The following GNA14 variants were observed in gnomAD, a reference collection of about 807,000 sequenced individuals.
GNA14 encodes G protein subunit alpha 14.
In GNA14, 50 loss-of-function variants were observed where a neutral mutation model predicts 42.0. The observed-to-expected ratio is 1.19, with a 90% CI of 0.95 to 1.51. The LOEUF (loss-of-function observed/expected upper bound fraction) is 1.51. Among genes scored for constraint, GNA14 ranks in the 40% most tolerant of loss-of-function variants. The pLI is 0.00. For missense variants in GNA14, 473 were observed against 446.2 expected (o/e 1.06, Z -0.54); for synonymous variants, 173 against 163.1 (o/e 1.06, Z -0.46).
intron 2 of GNA14, among the ~76,000 whole-genome samples, chr9:77,447,353 G>A (rs1212896294): frequency 6.6e-6 from 1 of 152,102 alleles, no homozygotes; most frequent in Non-Finnish European, 1.5e-5. Flanking sequence ...CCAAACTACA[G>A]TACTGCTTCT....
chr9:77,585,000 G>A (rs1245117699), intron 1 of GNA14, among the ~76,000 whole-genome samples: 1 of 152,132 alleles, frequency 6.6e-6, no homozygotes, highest in Non-Finnish European at 1.5e-5. Flanking sequence ...TGTTTTATCA[G>A]CAAGGTCTTT....
chr9:77,427,324 TA>T (rs10710907), intron 5 of GNA14, among the ~76,000 whole-genome samples: 61,025 of 146,840 alleles, frequency 0.42, 12,599 homozygotes, highest in African/African-American at 0.48. Flanking sequence ...GTCTTGCCTT[TA>T]AAAAAAAAAA....
intron 2 of GNA14, among the ~76,000 whole-genome samples, chr9:77,452,568 GTGTATGTGCA>G (rs1835923427): frequency 6.8e-5 from 1 of 14,772 alleles, no homozygotes; most frequent in African/African-American, 1.8e-4. Flanking sequence ...GTGTGTGTGT[GTGTATGTGCA>G]TGTGTATGTG....
chr9:77,611,719 C>T (rs898925464), intron 1 of GNA14, among the ~76,000 whole-genome samples: 3 of 152,150 alleles, frequency 2.0e-5, no homozygotes, highest in African/African-American at 7.2e-5. Flanking sequence ...AAAGCCAAGG[C>T]AATGAAAATA....
chr9:77,570,425 C>T (rs1403534134), intron 1 of GNA14, among the ~76,000 whole-genome samples: 4 of 152,178 alleles, frequency 2.6e-5, no homozygotes, highest in African/African-American at 9.7e-5. Context: ...CCAGGCAACA[C>T]TAATCTACTT....
chr9:77,551,633 C>T lies in GNA14; in HGVS notation c.125-22380G>A, dbSNP rs539124692. Among the ~76,000 whole-genome samples the T allele has an allele frequency of 7.2e-5, 11 of 151,804 alleles. 1 individual carries two copies. In the South Asian group the frequency reaches 2.3e-3, roughly 32 times the overall value. ...GCTCCTAAAGTCTGGTCAATTCCAG[C>T]CCCTAGGAAGAAATATAGTGAAAAA... On this transcript the variant is annotated intron_variant, in intron 1 of 6. Coordinates refer to ENST00000341700, the MANE Select transcript of GNA14 (RefSeq NM_004297.4).
intron 3 of GNA14, among the ~76,000 whole-genome samples, chr9:77,434,149 G>A (rs1835603081): frequency 6.6e-6 from 1 of 152,194 alleles, no homozygotes; most frequent in Non-Finnish European, 1.5e-5. Context: ...GCAGGCGGGT[G>A]TCGGCAGGAA....
At chr9:77,546,891 C>G (rs1317072568) in intron 1 of GNA14, among the ~76,000 whole-genome samples, 1 of 152,066 alleles carries the variant, frequency 6.6e-6, no homozygotes, top group South Asian at 2.1e-4. Context: ...TCTGGTTGCC[C>G]AGGGCAGCCT....
intron 1 of GNA14, among the ~76,000 whole-genome samples, chr9:77,618,374 T>C (rs1441804340): frequency 2.6e-5 from 4 of 151,708 alleles, no homozygotes; most frequent in African/African-American, 9.7e-5. Context: ...GATAGATTTC[T>C]AGAATTTCAG....
At chr9:77,483,492 C>A (rs1836600524) in intron 2 of GNA14, among the ~76,000 whole-genome samples, 1 of 152,158 alleles carries the variant, frequency 6.6e-6, no homozygotes, top group Non-Finnish European at 1.5e-5. Flanking sequence ...ATAGGGGGTG[C>A]CTCCCAGTTA....
chr9:77,546,447 G>A (rs530251842), intron 1 of GNA14, among the ~76,000 whole-genome samples: 8 of 152,036 alleles, frequency 5.3e-5, no homozygotes, highest in Admixed American at 5.2e-4. Flanking sequence ...ATCTCTCTCT[G>A]AAAGAGAAAA....
At chr9:77,627,034 A>G (rs1824022693) in intron 1 of GNA14, among the ~76,000 whole-genome samples, 1 of 152,226 alleles carries the variant, frequency 6.6e-6, no homozygotes, top group African/African-American at 2.4e-5. Context: ...TAGACACACA[A>G]AAATGATAAA....
intron 1 of GNA14, among the ~76,000 whole-genome samples, chr9:77,557,763 A>G (rs1822812089): frequency 6.6e-6 from 1 of 152,206 alleles, no homozygotes; most frequent in South Asian, 2.1e-4. Context: ...ATTCATGACT[A>G]GACAATCCCT....
intron 1 of GNA14, among the ~76,000 whole-genome samples, chr9:77,583,161 C>T (rs375491369): frequency 2.0e-5 from 3 of 152,152 alleles, no homozygotes; most frequent in African/African-American, 7.2e-5. Flanking sequence ...TAATTCTCCC[C>T]CAACAAATGA....
At chr9:77,505,989 G>A (rs776551896) in intron 2 of GNA14, among the ~76,000 whole-genome samples, 1 of 152,076 alleles carries the variant, frequency 6.6e-6, no homozygotes, top group Non-Finnish European at 1.5e-5. Flanking sequence ...GCTGGGTATG[G>A]TGGCTCATGC....
rs117089684 is a variant in GNA14, at chr9:77,454,513, A to G, written c.310-19991T>C. ...GAACCTTGAGGGGAGTTATCTGATA[A>G]TAGTGGGGACGGGGAAAAGGAACAG... On this transcript the variant is annotated intron_variant, in intron 2 of 6. Coordinates refer to ENST00000341700, the MANE Select transcript of GNA14 (RefSeq NM_004297.4). 2.3e-4 allele frequency among the ~76,000 whole-genome samples: 35 copies of G among 151,958 alleles called. 1 individual carries two copies. In the East Asian group the frequency reaches 6.6e-3, roughly 29 times the overall value.
chr9:77,451,493 G>T (rs953464859), intron 2 of GNA14, among the ~76,000 whole-genome samples: 1 of 152,166 alleles, frequency 6.6e-6, no homozygotes, highest in Non-Finnish European at 1.5e-5. Flanking sequence ...GGGATCCAGG[G>T]TGAGGCTATT....
chr9:77,576,992 T>G (rs1005471666), intron 1 of GNA14, among the ~76,000 whole-genome samples: 1 of 152,192 alleles, frequency 6.6e-6, no homozygotes, highest in African/African-American at 2.4e-5. Flanking sequence ...TCTAGCATTT[T>G]CCATGAGGTA....
At chr9:77,642,803 A>G (rs112585335) in intron 1 of GNA14, among the ~76,000 whole-genome samples, 1 of 152,020 alleles carries the variant, frequency 6.6e-6, no homozygotes, top group Admixed American at 6.6e-5. Context: ...ATCAAACACA[A>G]AACTCAATGA....
Sources: allele counts gnomAD v4.1 joint callset (sites outside exome capture counted in the v4.1 genomes callset), GRCh38; gene constraint gnomAD v4.1.1; transcripts MANE v1.5; gene names NCBI Gene and HGNC (gene_info 2026-07-23, HGNC 2026-07-21).